The following THUMPD2 variants were observed in gnomAD, a reference collection of about 807,000 sequenced individuals.
THUMPD2 encodes THUMP domain 2 tRNA and snRNA guanosine methyltransferase, also known as U6 snRNA (guanine-N(2))-methyltransferase THUMPD2.
A neutral mutation model predicts 49.4 loss-of-function variants in THUMPD2; 56 were observed. The ratio of observed to expected loss-of-function variants is 1.13; its 90% CI spans 0.91 to 1.41. The LOEUF is 1.41. Ranked by LOEUF, THUMPD2 falls within the 40% of genes most tolerant of loss-of-function variation. The pLI, the probability that THUMPD2 is intolerant of heterozygous loss-of-function variation, is 0.00. For missense variants in THUMPD2, 709 were observed against 594.5 expected, an observed-to-expected ratio of 1.19 and a Z score of -2.00; for synonymous variants, 237 against 205.2, an observed-to-expected ratio of 1.15 and a Z score of -1.32.
intron 4 of THUMPD2, among the ~76,000 whole-genome samples, chr2:39,766,513 T>C (rs1047964275): frequency 3.9e-4 from 60 of 152,302 alleles, no homozygotes; most frequent in African/African-American, 1.4e-3. Context: ...AGGCTGCAAA[T>C]ACTTTCAGGG....
At chr2:39,741,872 T>C (rs1673935621) in intron 9 of THUMPD2, among the ~76,000 whole-genome samples, 1 of 152,160 alleles carries the variant, frequency 6.6e-6, no homozygotes, top group Non-Finnish European at 1.5e-5. Context: ...ATAAAAATTA[T>C]GTGTACTCCG....
intron 4 of THUMPD2, 129 bp downstream of exon 4, chr2:39,768,293 TGG>T: frequency 1.4e-6 from 1 of 728,178 alleles, no homozygotes; most frequent in Non-Finnish European, 2.3e-6. Context: ...AAAGATAAAA[TGG>T]ACTGTTGGAT....
chr2:39,736,940 G>C lies in THUMPD2; in HGVS notation c.1307C>G (p.Pro436Arg). The C allele has an allele frequency of 1.2e-6, 2 of 1,614,014 alleles. No homozygotes were observed. The highest frequency in any genetic ancestry group is 1.7e-6 in the Non-Finnish European group (2 of 1,179,986). Residue 436 changes from proline (P) to arginine (R), a missense_variant, in exon 10 of 10, where the codon CCT becomes CGT. By Grantham distance (103) the Pro-to-Arg change is moderately radical. Transcript: ENST00000505747. ...FNSKDSHTDE[P>R]GIKKCLNPEE... ...AGGATTCAAGCACTTTTTAATTCCA[G>C]GTTCATCTGTGTGACTGTCCTTGGA... is the stretch of plus-strand genomic sequence containing the variant.
chr2:39,744,448 A>G lies in THUMPD2; in HGVS notation c.1109T>C (p.Ile370Thr). The stretch of plus-strand genomic sequence containing the variant: ...CCCAAATGGAATGTCAGAAATAATA[A>G]TATCAACACTTTCTGAAGGCAATGG... The part of the protein sequence containing the change: ...ELPLPSESVD[I>T]IISDIPFGKK... The change falls in exon 9 of 10, where the codon ATT (isoleucine) becomes ACT (threonine). Residue 370 changes from isoleucine (I) to threonine (T), a missense_variant. Physicochemically the swap from Ile to Thr is moderately conservative, Grantham distance 89 (BLOSUM62 -1). Coordinates refer to ENST00000505747, the MANE Select transcript of THUMPD2 (RefSeq NM_025264.5). The G allele has an allele frequency of 6.3e-7, 1 of 1,585,394 alleles. No homozygotes were observed. The highest frequency in any genetic ancestry group is 1.9e-5 in the Admixed American group (1 of 53,932).
chr2:39,770,104 T>A lies in THUMPD2; in HGVS notation c.278A>T (p.Glu93Val), dbSNP rs1678112934. The change falls in exon 3 of 10, where the codon GAA (glutamate) becomes GTA (valine). Residue 93 changes from glutamate to valine, a missense_variant. By Grantham distance (121) the Glu-to-Val change is moderately radical (BLOSUM62 -2). Transcript: ENST00000505747. The part of the protein sequence containing the change: ...SSVSKGKIFN[E>V]MQRLINEDPG... ...ATCTTCATTTATAAGTCTTTGCATT[T>A]CATTAAATATTTTTCCTAAATAAGA... is the stretch of plus-strand genomic sequence containing the variant. 4.7e-6 allele frequency: 7 copies of A among 1,488,288 alleles called. No individual in the cohort carries two copies. The highest frequency in any genetic ancestry group is 5.3e-6 in the Non-Finnish European group (6 of 1,128,426). The allele number at this position is 1,488,288 out of a possible 1,614,324, so 92.2% of individuals were successfully genotyped here. A position where few individuals can be genotyped will look rare whatever the true frequency, so the allele number is the denominator to read the frequency against.
chr2:39,758,674 T>A (rs898134047), intron 6 of THUMPD2, among the ~76,000 whole-genome samples: 6 of 152,144 alleles, frequency 3.9e-5, no homozygotes, highest in African/African-American at 1.4e-4. Flanking sequence ...AGAGATCCAT[T>A]TGCCTTTTAC....
intron 5 of THUMPD2, 99 bp downstream of exon 5, chr2:39,765,958 C>A: frequency 2.1e-6 from 2 of 943,208 alleles, no homozygotes; most frequent in Non-Finnish European, 3.3e-6. Context: ...TTAGCCTTCT[C>A]TGTTATATGA....
At chr2:39,756,909 GTAATAATAATAA>G (rs147238410) in intron 6 of THUMPD2, among the ~76,000 whole-genome samples, 1 of 143,616 alleles carries the variant, frequency 7.0e-6, no homozygotes, top group African/African-American at 2.6e-5. Context: ...AAGCTAAAAT[GTAATAATAATAA>G]TAATAATAAT....
rs190114335 is a variant in THUMPD2, at chr2:39,748,711, G to C, written c.1079-4233C>G. Among the ~76,000 whole-genome samples, 31 of 151,700 alleles carry C rather than the reference G, an allele frequency of 2.0e-4. No homozygotes were observed. In the East Asian group the frequency reaches 2.9e-3, roughly 14 times the overall value. On this transcript the variant is annotated intron_variant, in intron 8 of 9. Coordinates refer to ENST00000505747, the MANE Select transcript of THUMPD2 (RefSeq NM_025264.5). ...CAAAAAAAAACAAAAAAAGTGGCCA[G>C]GTATGGGGTGGCTCACACCTGTAAT...
intron 5 of THUMPD2, among the ~76,000 whole-genome samples, chr2:39,764,160 C>T (rs1475870455): frequency 2.0e-5 from 3 of 152,298 alleles, no homozygotes; most frequent in African/African-American, 4.8e-5. Flanking sequence ...TCTTTCCTAA[C>T]TCTAATCAAG....
rs1471154679 is a variant in THUMPD2 at position 39,768,950 on chromosome 2, GC to G, written c.673-450del. ...GGTTGATAAAGTATTCAGACCAATG[GC>G]CTTTAACATCACTGAACTTTGTAAG... On this transcript the variant is annotated intron_variant, in intron 3 of 9. Coordinates refer to ENST00000505747, the MANE Select transcript of THUMPD2 (RefSeq NM_025264.5). The G allele has an allele frequency of 7.7e-6, 10 of 1,304,196 alleles. 1 individual carries two copies. The highest frequency in any genetic ancestry group is 7.4e-5 in the South Asian group (6 of 81,036). The allele number at this position is 1,304,196 out of a possible 1,614,324, so 80.8% of individuals were successfully genotyped here. A position where few individuals can be genotyped will look rare whatever the true frequency, so the allele number is the denominator to read the frequency against.
intron 6 of THUMPD2, chr2:39,757,506 A>G (rs933183682): frequency 4.2e-5 from 38 of 909,520 alleles, no homozygotes; most frequent in Non-Finnish European, 5.4e-5. Flanking sequence ...AATTTTGTTG[A>G]AAATTGTTAA....
intron 8 of THUMPD2, among the ~76,000 whole-genome samples, chr2:39,753,555 C>G (rs532898710): frequency 1.9e-4 from 29 of 152,332 alleles, no homozygotes; most frequent in African/African-American, 6.5e-4. Flanking sequence ...GAGGTACTAA[C>G]TTGACATCTT....
chr2:39,737,177 A>G (rs888779109), intron 9 of THUMPD2, 118 bp from the exon 10 acceptor site: 2 of 993,830 alleles, frequency 2.0e-6, no homozygotes, highest in African/African-American at 1.6e-5. Flanking sequence ...CCATTTAAAT[A>G]TAAGGATTTT....
At chr2:39,739,589 C>A (rs78355687) in intron 9 of THUMPD2, among the ~76,000 whole-genome samples, 8,275 of 152,246 alleles carry the variant, frequency 0.054, 373 homozygotes, top group African/African-American at 0.12. Context: ...AGAGACCTTG[C>A]CTGTCGTATT....
At chr2:39,766,543 G>A (rs887989922) in intron 4 of THUMPD2, among the ~76,000 whole-genome samples, 7 of 152,092 alleles carry the variant, frequency 4.6e-5, no homozygotes, top group African/African-American at 1.2e-4. Context: ...ACTTTGTTTA[G>A]GCCAAATATA....
Position 39,769,923 on chromosome 2 carries a change from T to C in THUMPD2, c.459A>G (p.Gln153=). 2 of 1,582,540 alleles carry C rather than the reference T, an allele frequency of 1.3e-6. No individual in the cohort carries two copies. The highest frequency in any genetic ancestry group is 1.7e-6 in the Non-Finnish European group (2 of 1,171,894). ...IAKKLKIEQM[Q]KIEENRDCQL... is the part of the protein sequence containing the mutation. ...GGCAGTCCCTATTCTCTTCTATCTT[T>C]TGCATTTGTTCTATTTTTAATTTCT... is the stretch of plus-strand genomic sequence containing the variant. The change falls in exon 3 of 10, where the codon CAA becomes CAG. Residue 153 remains glutamine, a synonymous_variant. Transcript: ENST00000505747.
At chr2:39,766,241 A>T (rs1040916045) in intron 4 of THUMPD2, 132 bp from the exon 5 acceptor site, 18 of 529,684 alleles carry the variant, frequency 3.4e-5, no homozygotes, top group African/African-American at 2.6e-4. Context: ...TATTCATCAT[A>T]TCTAGAAAAA....
intron 2 of THUMPD2, 51 bp downstream of exon 2, chr2:39,771,454 A>G (rs1173683465): frequency 1.8e-5 from 27 of 1,525,704 alleles, no homozygotes; most frequent in Non-Finnish European, 2.2e-5. Context: ...AAAATGTTGG[A>G]GTACAATGTA....
Sources: allele counts gnomAD v4.1 joint callset (sites outside exome capture counted in the v4.1 genomes callset), GRCh38; gene constraint gnomAD v4.1.1; transcripts MANE v1.5; gene names NCBI Gene and HGNC (gene_info 2026-07-23, HGNC 2026-07-21).